TANC2: variants seen among roughly 807,000 people sequenced by gnomAD.
TANC2 encodes the protein protein TANC2.
Under a neutral mutation model 210.5 loss-of-function variants are expected in TANC2, and 26 were observed. The ratio of observed to expected loss-of-function variants is 0.12; its 90% CI spans 0.09 to 0.17. TANC2 has a LOEUF of 0.17. TANC2 is among the 10% of genes least tolerant of loss of function. The pLI is 1.00. For missense variants in TANC2, 2,129 were observed against 2,608.9 expected, an observed-to-expected ratio of 0.82 and a Z score of 4.01; for synonymous variants, 931 against 967.1, an observed-to-expected ratio of 0.96 and a Z score of 0.69.
At chr17:63,256,839 T>C (rs1339662956) in intron 8 of TANC2, among the ~76,000 whole-genome samples, 1 of 152,238 alleles carries the variant, frequency 6.6e-6, no homozygotes, top group Non-Finnish European at 1.5e-5. Context: ...TCTTGCTGAA[T>C]TGAGCCCTTT....
At chr17:63,098,926 A>G (rs928013937) in intron 3 of TANC2, among the ~76,000 whole-genome samples, 2 of 152,160 alleles carry the variant, frequency 1.3e-5, no homozygotes, top group African/African-American at 4.8e-5. Flanking sequence ...ATTTCCTTAT[A>G]TGATTGCATC....
chr17:62,999,301 C>T (rs992828439), intron 1 of TANC2, among the ~76,000 whole-genome samples: 3 of 152,182 alleles, frequency 2.0e-5, no homozygotes, highest in African/African-American at 7.2e-5. Context: ...TCCCCAGAAG[C>T]AGGTGGTGGA....
At chr17:63,006,983 T>C (rs982826718) in intron 1 of TANC2, among the ~76,000 whole-genome samples, 2 of 152,114 alleles carry the variant, frequency 1.3e-5, no homozygotes, top group African/African-American at 4.8e-5. Context: ...CTCAGCACTT[T>C]GGGAGGCCGA....
At chr17:63,209,875 C>G (rs2030081302) in intron 7 of TANC2, among the ~76,000 whole-genome samples, 1 of 152,106 alleles carries the variant, frequency 6.6e-6, no homozygotes, top group African/African-American at 2.4e-5. Context: ...TTTTCAAATA[C>G]TTTTACAAAT....
chr17:63,318,332 G>A (rs527941937), intron 10 of TANC2, among the ~76,000 whole-genome samples: 2 of 152,100 alleles, frequency 1.3e-5, no homozygotes, highest in South Asian at 4.2e-4. Flanking sequence ...CAGTTTTATT[G>A]AGCTGTAACT....
chr17:63,183,364 T>C (rs967968016), intron 5 of TANC2, among the ~76,000 whole-genome samples: 1 of 152,256 alleles, frequency 6.6e-6, no homozygotes, highest in African/African-American at 2.4e-5. Flanking sequence ...AATTTCTATT[T>C]TTTTCTCTAT....
chr17:63,077,802 G>A (rs754769120), intron 3 of TANC2, among the ~76,000 whole-genome samples: 1 of 152,104 alleles, frequency 6.6e-6, no homozygotes, highest in Non-Finnish European at 1.5e-5. Context: ...GGTACAAATA[G>A]CTTCATTATT....
intron 2 of TANC2, among the ~76,000 whole-genome samples, chr17:63,066,725 C>T (rs190016566): frequency 2.0e-5 from 3 of 151,864 alleles, no homozygotes; most frequent in African/African-American, 7.2e-5. Context: ...TCAGGCCATT[C>T]TTTAGATTAT....
intron 2 of TANC2, among the ~76,000 whole-genome samples, chr17:63,067,642 A>G (rs1440525603): frequency 6.6e-6 from 1 of 152,116 alleles, no homozygotes; most frequent in East Asian, 1.9e-4. Context: ...AAAATTTTAG[A>G]AATACTAAAT....
At chr17:63,032,586 T>C (rs989500162) in intron 2 of TANC2, among the ~76,000 whole-genome samples, 5 of 152,066 alleles carry the variant, frequency 3.3e-5, no homozygotes, top group South Asian at 4.1e-4. Context: ...AACTACATGA[T>C]TGATTGGGTG....
At chr17:63,041,694 A>G (rs1245827105) in intron 2 of TANC2, among the ~76,000 whole-genome samples, 2 of 152,194 alleles carry the variant, frequency 1.3e-5, no homozygotes, top group African/African-American at 2.4e-5. Context: ...GTCTCTCTAA[A>G]AAGAGTTTTA....
At chr17:63,086,175 T>A (rs1424643642) in intron 3 of TANC2, among the ~76,000 whole-genome samples, 2 of 152,160 alleles carry the variant, frequency 1.3e-5, no homozygotes, top group African/African-American at 4.8e-5. Context: ...TCTCTTTGAT[T>A]TTCTGAAGTT....
At chr17:63,167,884 CAAAAAAAAAAAAAAAAAAA>C (rs760465295) in intron 5 of TANC2, among the ~76,000 whole-genome samples, 1 of 63,992 alleles carries the variant, frequency 1.6e-5, no homozygotes, top group African/African-American at 6.2e-5. Context: ...GACTCTGTCT[CAAAAAAAAAAAAAAAAAAA>C]AAAAAAGAAA....
intron 1 of TANC2, among the ~76,000 whole-genome samples, chr17:63,006,525 G>T (rs1471292374): frequency 6.6e-6 from 1 of 151,976 alleles, no homozygotes; most frequent in Non-Finnish European, 1.5e-5. Flanking sequence ...CAACTTATGG[G>T]TATTTAGAAG....
chr17:63,319,121 G>A (rs1450350161), intron 11 of TANC2, 31 bp downstream of exon 11: 11 of 1,588,578 alleles, frequency 6.9e-6, no homozygotes, highest in African/African-American at 1.3e-5. Context: ...TGGGGATATG[G>A]TAGTTCCATT....
At chr17:63,203,154 TCAG>T (rs772048244) in intron 7 of TANC2, among the ~76,000 whole-genome samples, 7 of 152,300 alleles carry the variant, frequency 4.6e-5, no homozygotes, top group Non-Finnish European at 8.8e-5. Context: ...CACATTCTCA[TCAG>T]CAGTATATAA....
intron 2 of TANC2, among the ~76,000 whole-genome samples, chr17:63,061,811 T>C (rs547902494): frequency 3.7e-4 from 56 of 152,254 alleles, no homozygotes; most frequent in African/African-American, 1.3e-3. Flanking sequence ...CCCTTTCTTC[T>C]CTTTATTTGT....
intron 8 of TANC2, among the ~76,000 whole-genome samples, chr17:63,256,804 A>G (rs1191834913): frequency 1.3e-5 from 2 of 152,158 alleles, no homozygotes; most frequent in Admixed American, 1.3e-4. Context: ...TGTTGGGTGC[A>G]TATATATTTA....
At chr17:63,302,687 T>G (rs2044760736) in intron 9 of TANC2, among the ~76,000 whole-genome samples, 2 of 150,640 alleles carry the variant, frequency 1.3e-5, no homozygotes, top group African/African-American at 4.9e-5. Flanking sequence ...ATGTGTGTCT[T>G]TGCACGGGAG....
Sources: allele counts gnomAD v4.1 joint callset (sites outside exome capture counted in the v4.1 genomes callset), GRCh38; gene constraint gnomAD v4.1.1; transcripts MANE v1.5; gene names NCBI Gene and HGNC (gene_info 2026-07-23, HGNC 2026-07-21).